CDK13: variants seen among roughly 807,000 people sequenced by gnomAD.
The protein encoded by CDK13 is cyclin-dependent kinase 13.
A neutral mutation model predicts 137.6 loss-of-function variants in CDK13; 40 were observed. That is an observed-to-expected ratio of 0.29 (90% CI 0.23 to 0.38). The LOEUF is 0.38. Among genes scored for constraint, CDK13 ranks in the 10% least tolerant of loss-of-function variants. CDK13 has a pLI of 1.00. For synonymous variants in CDK13, 869 were observed against 760.1 expected (o/e 1.14, Z -2.36); for missense variants, 1,704 against 1,951.8 (o/e 0.87, Z 2.39).
chr7:40,010,014 A>ACTGGTTT (rs896591939), intron 5 of CDK13, among the ~76,000 whole-genome samples: 2 of 152,126 alleles, frequency 1.3e-5, no homozygotes, highest in Non-Finnish European at 2.9e-5. Flanking sequence ...GACACCAGGG[A>ACTGGTTT]CTGGTTTCAT....
At chr7:39,999,234 G>A (rs1378643860) in intron 3 of CDK13, 127 bp from the exon 4 acceptor site, 4 of 688,676 alleles carry the variant, frequency 5.8e-6, no homozygotes, top group Non-Finnish European at 9.1e-6. Context: ...GATAGATGAT[G>A]ATAAATACTG....
intron 11 of CDK13, among the ~76,000 whole-genome samples, chr7:40,083,547 T>C (rs1230747059): frequency 1.3e-5 from 2 of 152,218 alleles, no homozygotes; most frequent in South Asian, 2.1e-4. Context: ...TTCTTAATTA[T>C]GTTTTTTAAG....
At chr7:40,014,991 A>G (rs1270903238) in intron 5 of CDK13, among the ~76,000 whole-genome samples, 1 of 152,326 alleles carries the variant, frequency 6.6e-6, no homozygotes, top group South Asian at 2.1e-4. Flanking sequence ...GAAGAAAAAT[A>G]TGTATAAAAT....
intron 5 of CDK13, among the ~76,000 whole-genome samples, chr7:40,021,903 A>G (rs1785134986): frequency 6.6e-6 from 1 of 152,228 alleles, no homozygotes; most frequent in Non-Finnish European, 1.5e-5. Flanking sequence ...CTCATTATTT[A>G]TCAAGGTATA....
chr7:39,993,934 A>G (rs1311110491), intron 2 of CDK13, among the ~76,000 whole-genome samples: 1 of 152,108 alleles, frequency 6.6e-6, no homozygotes, highest in Non-Finnish European at 1.5e-5. Context: ...GATAGTGTCA[A>G]TTTTGACAGT....
intron 5 of CDK13, among the ~76,000 whole-genome samples, chr7:40,031,768 CCT>C (rs1729076623): frequency 6.6e-6 from 1 of 151,406 alleles, no homozygotes; most frequent in African/African-American, 2.4e-5. Context: ...GCCTCAGCCT[CCT>C]GAGTAGCCGG....
chr7:40,021,794 T>A lies in CDK13; in HGVS notation c.2353+19763T>A, dbSNP rs1427541693. ...CAGGGGTATAGGAAAAGTTAGAATT[T>A]TTGTCATGCACTAAATATGTGAAAA... On this transcript the variant is annotated intron_variant, in intron 5 of 13. Transcript: ENST00000181839. Among the ~76,000 whole-genome samples the A allele has an allele frequency of 4.1e-4, 63 of 152,054 alleles. 1 individual carries two copies. Among genetic ancestry groups the A allele is most frequent in the Non-Finnish European group, 5.2e-4 (35 of 67,860 alleles).
At chr7:39,992,896 T>C (rs916172692) in intron 2 of CDK13, among the ~76,000 whole-genome samples, 1 of 152,180 alleles carries the variant, frequency 6.6e-6, no homozygotes, top group Non-Finnish European at 1.5e-5. Flanking sequence ...TTATGTACTT[T>C]ATGCTGTTGT....
At chr7:40,075,143 T>C (rs1254763993) in intron 9 of CDK13, among the ~76,000 whole-genome samples, 2 of 152,108 alleles carry the variant, frequency 1.3e-5, no homozygotes, top group East Asian at 3.9e-4. Flanking sequence ...AAAAGCACAA[T>C]ATGGTATTGA....
Position 40,088,112 on chromosome 7 carries a change from T to C in CDK13, c.3030-14T>C, listed in dbSNP as rs1584090634. 2 of 592,220 alleles carry C rather than the reference T, an allele frequency of 3.4e-6. No homozygotes were observed. The highest frequency in any genetic ancestry group is 4.8e-6 in the Non-Finnish European group (2 of 413,158). 36.7% of individuals were successfully genotyped at this position (592,220 alleles called of 1,614,324 possible). On this transcript the variant is annotated splice_polypyrimidine_tract_variant and intron_variant, in intron 11 of 13. Transcript: ENST00000181839. ...GAAATGCCATTTACAATTTAATTCC[T>C]TTTTTTTTTTCAGTCTCCCTTTATG...
chr7:39,988,483 T>C (rs551061130), intron 2 of CDK13, among the ~76,000 whole-genome samples: 3 of 152,252 alleles, frequency 2.0e-5, no homozygotes, highest in Non-Finnish European at 4.4e-5. Context: ...GCCATTGTCT[T>C]GGGATACAAT....
chr7:40,026,090 A>G (rs929482037), intron 5 of CDK13, among the ~76,000 whole-genome samples: 5 of 152,218 alleles, frequency 3.3e-5, no homozygotes, highest in African/African-American at 9.6e-5. Context: ...CACTAGTGGC[A>G]TCTCTTTTAA....
intron 3 of CDK13, chr7:39,998,552 A>C (rs1008725172): frequency 6.6e-6 from 1 of 151,708 alleles, no homozygotes; most frequent in African/African-American, 2.4e-5. Flanking sequence ...CAAAGAGGTC[A>C]AGGCTGTAAT....
At chr7:40,024,678 T>TCC (rs1554331056) in intron 5 of CDK13, among the ~76,000 whole-genome samples, 40 of 93,126 alleles carry the variant, frequency 4.3e-4, no homozygotes, top group Non-Finnish European at 5.2e-4. Context: ...TTTTTTTTTT[T>TCC]CCTGAGACAG....
intron 2 of CDK13, among the ~76,000 whole-genome samples, chr7:39,994,711 A>G (rs1172150961): frequency 6.6e-6 from 1 of 152,172 alleles, no homozygotes; most frequent in Non-Finnish European, 1.5e-5. Flanking sequence ...ATTACAATTC[A>G]TAGTTCTTTA....
At chr7:40,075,351 T>C in intron 9 of CDK13, among the ~76,000 whole-genome samples, 1 of 152,184 alleles carries the variant, frequency 6.6e-6, no homozygotes, top group South Asian at 2.1e-4. Flanking sequence ...CTAGGAACTT[T>C]CCTTGCATCG....
At chr7:40,041,608 A>G (rs1432585661) in intron 5 of CDK13, among the ~76,000 whole-genome samples, 1 of 152,170 alleles carries the variant, frequency 6.6e-6, no homozygotes, top group Non-Finnish European at 1.5e-5. Context: ...TAGCTACTGT[A>G]TTGGACCATG....
rs1285706306 is a variant in CDK13 at position 40,098,628 on chromosome 7, A to G, written c.*3648A>G. The G allele has an allele frequency of 7.2e-5, 11 of 152,018 alleles. No homozygotes were observed. In the East Asian group the frequency reaches 2.1e-3, roughly 29 times the overall value. The allele number at this position is 152,018 out of a possible 1,614,324, so 9.4% of individuals were successfully genotyped here. Reference sequence around the variant, plus strand: ...ATCCAGTCGGTCTTCTTACTTTACAACTAAGAAAAATAAGGCTTAGAAAGA... The same window carrying G: ...ATCCAGTCGGTCTTCTTACTTTACAGCTAAGAAAAATAAGGCTTAGAAAGA... On this transcript the variant is annotated 3_prime_UTR_variant, in exon 14 of 14. Coordinates refer to ENST00000181839, the MANE Select transcript of CDK13 (RefSeq NM_003718.5).
At chr7:40,086,953 C>T (rs1013330512) in intron 11 of CDK13, among the ~76,000 whole-genome samples, 1 of 151,694 alleles carries the variant, frequency 6.6e-6, no homozygotes, top group Non-Finnish European at 1.5e-5. Flanking sequence ...GCTGGGACTA[C>T]AGACATGTGC....
Sources: allele counts gnomAD v4.1 joint callset (sites outside exome capture counted in the v4.1 genomes callset), GRCh38; gene constraint gnomAD v4.1.1; transcripts MANE v1.5; gene names NCBI Gene and HGNC (gene_info 2026-07-23, HGNC 2026-07-21).